NOL12: variants seen among roughly 807,000 people sequenced by gnomAD.
The protein encoded by NOL12 is nucleolar protein 12.
NOL12 carries 21 observed loss-of-function variants against 25.2 expected under a neutral mutation model. The observed-to-expected ratio is 0.83, with a 90% confidence interval of 0.59 to 1.20. NOL12 has a LOEUF of 1.20. Ranked by LOEUF, NOL12 falls within the 50% of genes most tolerant of loss-of-function variation. The pLI is 0.00. For missense variants in NOL12, 286 were observed against 287.6 expected, an observed-to-expected ratio of 0.99 and a Z score of 0.04; for synonymous variants, 133 against 113.8, an observed-to-expected ratio of 1.17 and a Z score of -1.08.
chr22:37,688,815 C>T (rs761087082), intron 3 of NOL12, 35 bp from the exon 4 acceptor site: 15 of 1,612,394 alleles, frequency 9.3e-6, no homozygotes, highest in African/African-American at 5.3e-5. Context: ...CACTCGTTCC[C>T]GTGACTGAGA....
intron 2 of NOL12, 73 bp downstream of exon 2, chr22:37,688,088 G>T (rs1260150750): frequency 1.1e-5 from 14 of 1,314,358 alleles, no homozygotes; most frequent in Admixed American, 2.0e-5. Flanking sequence ...CCCTAATAGA[G>T]GCAGCTGCTG....
chr22:37,691,105 C>T, intron 5 of NOL12, 69 bp from the exon 6 acceptor site: 1 of 1,517,286 alleles, frequency 6.6e-7, no homozygotes, highest in African/African-American at 1.4e-5. Flanking sequence ...CCTGACATCC[C>T]CTCCGTGAGC....
chr22:37,692,353 T>TA lies in NOL12; in HGVS notation c.*1017_*1018insA. ...GCCTGGGCAACGTTGTGACCTTGTC[T>TA]CAAAAAAAAACTAAAAAATAAAGCA... On this transcript the variant is annotated 3_prime_UTR_variant, in exon 6 of 6. Transcript: ENST00000359114. The TA allele has an allele frequency of 2.5e-6, 1 of 395,992 alleles. No homozygotes were observed. Among genetic ancestry groups the TA allele is most frequent in the Non-Finnish European group, 4.4e-6 (1 of 225,050 alleles). The allele number at this position is 395,992 out of a possible 1,614,324, so 24.5% of individuals were successfully genotyped here. A position where few individuals can be genotyped will look rare whatever the true frequency, so the allele number is the denominator to read the frequency against.
chr22:37,687,049 G>A, intron 1 of NOL12: 1 of 985,440 alleles, frequency 1.0e-6, no homozygotes, highest in Non-Finnish European at 1.2e-6. Flanking sequence ...CCGAGGGAAG[G>A]AGGTAGGGAA....
Position 37,691,429 on chromosome 22 carries a change from T to G in NOL12, c.*93T>G. ...TGTAGCCCAGCCTGCACCTAGGTAA[T>G]GACTGCACAGCTCAAGGTTGGGAAG... On this transcript the variant is annotated 3_prime_UTR_variant, in exon 6 of 6. Coordinates refer to ENST00000359114, the MANE Select transcript of NOL12 (RefSeq NM_024313.3). 7.2e-7 allele frequency: 1 copy of G among 1,381,818 alleles called. No homozygotes were observed. The highest frequency in any genetic ancestry group is 9.6e-7 in the Non-Finnish European group (1 of 1,037,256). The allele number at this position is 1,381,818 out of a possible 1,614,324, so 85.6% of individuals were successfully genotyped here.
Position 37,691,464 on chromosome 22 carries a change from C to T in NOL12, c.*128C>T. The T allele has an allele frequency of 9.0e-7, 1 of 1,115,576 alleles. No individual in the cohort carries two copies. The highest frequency in any genetic ancestry group is 1.2e-6 in the Non-Finnish European group (1 of 832,660). 69.1% of individuals were successfully genotyped at this position (1,115,576 alleles called of 1,614,324 possible). A position where few individuals can be genotyped will look rare whatever the true frequency, so the allele number is the denominator to read the frequency against. ...GCTCAAGGTTGGGAAGCCAGGACCT[C>T]TCTGGCCTGGGGCCAGCTGCCTTTG... is the stretch of plus-strand genomic sequence containing the variant. On this transcript the variant is annotated 3_prime_UTR_variant, in exon 6 of 6. Transcript: ENST00000359114.
At position 37,687,883 on chromosome 22, in the gene NOL12, C is replaced by T. The variant is rs556949402; in HGVS notation, c.84-27C>T. The T allele has an allele frequency of 9.2e-6, 14 of 1,527,934 alleles. No individual in the cohort carries two copies. In the East Asian group the frequency reaches 2.9e-4, roughly 32 times the overall value. The allele number at this position is 1,527,934 out of a possible 1,614,324, so 94.6% of individuals were successfully genotyped here. A position where few individuals can be genotyped will look rare whatever the true frequency, so the allele number is the denominator to read the frequency against. On this transcript the variant is annotated intron_variant, in intron 1 of 5. Transcript: ENST00000359114. ...CTTCTCTCCTTGTATAATGACTCTCCTGTCTCTGCCGGCTTCCTTCCTGTA... is the reference window on the plus strand; with the variant it reads ...CTTCTCTCCTTGTATAATGACTCTCTTGTCTCTGCCGGCTTCCTTCCTGTA...
At position 37,691,581 on chromosome 22, in the gene NOL12, C is replaced by CGTGG. The variant is rs1264793422; in HGVS notation, c.*247_*250dup. ...CCCCCAGGAAGAGCCTTCAGAGCCA[C>CGTGG]GTGGGGGCATCTTCCCAAATGTGCA... On this transcript the variant is annotated 3_prime_UTR_variant, in exon 6 of 6. Transcript: ENST00000359114. 3.0e-5 allele frequency: 14 copies of CGTGG among 468,696 alleles called. No individual in the cohort carries two copies. In the East Asian group the frequency reaches 4.5e-4, roughly 15 times the overall value. The allele number at this position is 468,696 out of a possible 1,614,324, so 29.0% of individuals were successfully genotyped here.
intron 1 of NOL12, chr22:37,686,867 C>T (rs1415459551): frequency 8.1e-6 from 8 of 985,448 alleles, no homozygotes; most frequent in East Asian, 2.3e-4. Context: ...TATTGGGCTC[C>T]TTTGGTGTGC....
chr22:37,688,739 G>A, intron 3 of NOL12, 111 bp from the exon 4 acceptor site: 1 of 1,084,462 alleles, frequency 9.2e-7, no homozygotes, highest in Non-Finnish European at 1.4e-6. Flanking sequence ...CCTTGTGGAT[G>A]CGCTCCACGT....
rs1045961746 is a variant in NOL12 at position 37,690,877 on chromosome 22, G to T, written c.479+83G>T. 1.2e-5 allele frequency: 12 copies of T among 1,035,870 alleles called. No homozygotes were observed. In the East Asian group the frequency reaches 2.6e-4, roughly 23 times the overall value. The allele number at this position is 1,035,870 out of a possible 1,614,324, so 64.2% of individuals were successfully genotyped here. On this transcript the variant is annotated intron_variant, in intron 5 of 5. Transcript: ENST00000359114. ...TGGCCCTTAGGGTGGTGTGGAGCAG[G>T]TGTAGGGCCCGGAGCAGCCCTCTGC... is the stretch of plus-strand genomic sequence containing the variant.
chr22:37,686,603 C>T (rs1487800209), intron 1 of NOL12, 128 bp downstream of exon 1: 3 of 1,379,442 alleles, frequency 2.2e-6, no homozygotes, highest in East Asian at 6.1e-5. Context: ...GAGAACCCCT[C>T]TCGGCCTTCC....
Position 37,691,208 on chromosome 22 carries a change from A to C in NOL12, c.514A>C (p.Ser172Arg), listed in dbSNP as rs748749231. 6.2e-7 allele frequency: 1 copy of C among 1,613,856 alleles called. No homozygotes were observed. Among genetic ancestry groups the C allele is most frequent in the Non-Finnish European group, 8.5e-7 (1 of 1,179,878 alleles). ...CCTCACAGCATCACTACATGCACAC[A>C]GCCGCAAAAAGGTCAAGAGGAAACA... ...SSLTASLHAH[S>R]RKKVKRKHPR... Residue 172 changes from serine to arginine, a missense_variant, in exon 6 of 6, where the codon AGC (serine) becomes CGC (arginine). Transcript: ENST00000359114.
chr22:37,686,656 C>T, intron 1 of NOL12, 181 bp downstream of exon 1: 1 of 985,412 alleles, frequency 1.0e-6, no homozygotes, highest in Non-Finnish European at 1.2e-6. Flanking sequence ...CCACCTTCTC[C>T]CTTCTTGACC....
intron 4 of NOL12, 49 bp downstream of exon 4, chr22:37,689,041 G>A: frequency 6.3e-7 from 1 of 1,596,454 alleles, no homozygotes; most frequent in Non-Finnish European, 8.5e-7. Flanking sequence ...GGGCAGACCA[G>A]CTTGTCAGGG....
chr22:37,688,330 A>C lies in NOL12; in HGVS notation c.208A>C (p.Lys70Gln). The C allele has an allele frequency of 1.2e-6, 2 of 1,614,172 alleles. No homozygotes were observed. The highest frequency in any genetic ancestry group is 1.7e-6 in the Non-Finnish European group (2 of 1,180,024). ...GTTTCAGCGCCACCAGGAATACTTG[A>C]AGATGCTGGCAGAGAGAGAAGAGGC... ...LREERHQEYL[K>Q]MLAEREEALE... The change falls in exon 3 of 6, where the codon AAG becomes CAG. Residue 70 changes from lysine to glutamine, a missense_variant. Coordinates refer to ENST00000359114, the MANE Select transcript of NOL12 (RefSeq NM_024313.3).
chr22:37,688,483 C>A, intron 3 of NOL12, 123 bp downstream of exon 3: 1 of 1,008,986 alleles, frequency 9.9e-7, no homozygotes, highest in Non-Finnish European at 1.6e-6. Context: ...ACCCTGGGGC[C>A]AGGGGTGGTC....
At chr22:37,690,342 A>AAAACAAAACC (rs1569025108) in intron 4 of NOL12, among the ~76,000 whole-genome samples, 1 of 152,202 alleles carries the variant, frequency 6.6e-6, no homozygotes, top group East Asian at 1.9e-4. Flanking sequence ...AAAACAAAAC[A>AAAACAAAACC]AAACAAAACC....
At chr22:37,687,770 G>T (rs1033521012) in intron 1 of NOL12, 140 bp from the exon 2 acceptor site, 10 of 615,722 alleles carry the variant, frequency 1.6e-5, no homozygotes, top group Non-Finnish European at 2.9e-5. Flanking sequence ...TGTTGTGAAG[G>T]TTAAATGAGC....
Sources: allele counts gnomAD v4.1 joint callset (sites outside exome capture counted in the v4.1 genomes callset), GRCh38; gene constraint gnomAD v4.1.1; transcripts MANE v1.5; gene names NCBI Gene and HGNC (gene_info 2026-07-23, HGNC 2026-07-21).